Variants in PTPRN2 observed in about 807,000 individuals in gnomAD.
PTPRN2 encodes protein tyrosine phosphatase receptor type N2.
In PTPRN2, 74 loss-of-function variants were observed where a neutral mutation model predicts 118.8. The ratio of observed to expected loss-of-function variants is 0.62; its 90% CI spans 0.52 to 0.76. The LOEUF is 0.76. Ranked by LOEUF, PTPRN2 falls within the 30% of genes least tolerant of loss-of-function variation. The pLI is 0.00. For missense variants in PTPRN2, 1,481 were observed against 1,394.4 expected (o/e 1.06, Z -0.99); for synonymous variants, 641 against 608.0 (o/e 1.05, Z -0.80).
chr7:157,820,364 C>G (rs1806747037), intron 12 of PTPRN2, among the ~76,000 whole-genome samples: 1 of 149,538 alleles, frequency 6.7e-6, no homozygotes, highest in African/African-American at 2.5e-5. Context: ...TACATGCACA[C>G]AGCAGACCCA....
rs191460912 is a variant in PTPRN2 at position 158,184,297 on chromosome 7, G to A, written c.549+8030C>T. 3.4e-3 allele frequency among the ~76,000 whole-genome samples: 516 copies of A among 152,058 alleles called. 4 individuals are homozygous for A. The highest frequency in any genetic ancestry group is 4.8e-3 in the Non-Finnish European group (328 of 67,986). On this transcript the variant is annotated intron_variant, in intron 5 of 22. Transcript: ENST00000389418. ...GTCTTATTGTTCTCATCAATGTATTGTAGTTTTCATTGTACATTGTCTTAC... is the reference window on the plus strand; with the variant it reads ...GTCTTATTGTTCTCATCAATGTATTATAGTTTTCATTGTACATTGTCTTAC...
At chr7:158,055,057 T>C (rs898315750) in intron 11 of PTPRN2, among the ~76,000 whole-genome samples, 1 of 152,198 alleles carries the variant, frequency 6.6e-6, no homozygotes, top group Non-Finnish European at 1.5e-5. Context: ...TGTAATAAAA[T>C]ATGTAAAATA....
intron 12 of PTPRN2, among the ~76,000 whole-genome samples, chr7:157,709,800 A>G (rs1798511277): frequency 6.6e-6 from 1 of 152,196 alleles, no homozygotes; most frequent in Admixed American, 6.5e-5. Flanking sequence ...AGATTTACAC[A>G]TACAAGTCGG....
At chr7:158,098,763 G>A (rs1814897370) in intron 10 of PTPRN2, among the ~76,000 whole-genome samples, 1 of 152,144 alleles carries the variant, frequency 6.6e-6, no homozygotes, top group Non-Finnish European at 1.5e-5. Context: ...TATGGGAGAG[G>A]AGTGGGAGAC....
chr7:157,723,992 C>A (rs1237913760), intron 12 of PTPRN2, among the ~76,000 whole-genome samples: 2 of 152,168 alleles, frequency 1.3e-5, no homozygotes, highest in Admixed American at 1.3e-4. Flanking sequence ...TAGGCTTCCC[C>A]CGTCTGAATC....
At chr7:158,348,208 G>A (rs1472990346) in intron 2 of PTPRN2, among the ~76,000 whole-genome samples, 11 of 152,044 alleles carry the variant, frequency 7.2e-5, no homozygotes, top group Admixed American at 6.5e-4. Context: ...AGAGAAACTG[G>A]AGACAAAAGC....
At position 158,376,437 on chromosome 7, in the gene PTPRN2, G is replaced by C. The variant is rs531422472; in HGVS notation, c.164-59505C>G. 7.4e-5 allele frequency among the ~76,000 whole-genome samples: 11 copies of C among 149,426 alleles called. No individual in the cohort carries two copies. In the East Asian group the frequency reaches 1.0e-3, roughly 14 times the overall value. ...GCCCTGTCATACGTCCTGAGGGAGG[G>C]GTTCAGGGGACTCTCCCACATCCCT... On this transcript the variant is annotated intron_variant, in intron 2 of 22. Coordinates refer to ENST00000389418, the MANE Select transcript of PTPRN2 (RefSeq NM_002847.5).
intron 1 of PTPRN2, among the ~76,000 whole-genome samples, chr7:158,572,461 G>A (rs1050363603): frequency 6.6e-6 from 1 of 152,154 alleles, no homozygotes; most frequent in African/African-American, 2.4e-5. Context: ...AGCCAGCTCT[G>A]TGCCTACGAA....
chr7:158,409,587 G>A (rs1179104758), intron 2 of PTPRN2, among the ~76,000 whole-genome samples: 1 of 152,172 alleles, frequency 6.6e-6, no homozygotes, highest in Non-Finnish European at 1.5e-5. Flanking sequence ...TCAAACTCCG[G>A]CAGGAGAATT....
intron 12 of PTPRN2, among the ~76,000 whole-genome samples, chr7:157,767,841 T>C (rs1389498539): frequency 1.3e-5 from 2 of 152,236 alleles, no homozygotes; most frequent in African/African-American, 4.8e-5. Context: ...AGCTCTGTGC[T>C]CCTTGCTATT....
chr7:158,154,302 T>G (rs1179223802), intron 6 of PTPRN2, among the ~76,000 whole-genome samples: 3 of 152,258 alleles, frequency 2.0e-5, no homozygotes, highest in Non-Finnish European at 2.9e-5. Flanking sequence ...TCCAGCCTCA[T>G]GAGCCCTCTG....
chr7:158,282,770 TC>T (rs1265170001), intron 3 of PTPRN2, among the ~76,000 whole-genome samples: 1 of 142,722 alleles, frequency 7.0e-6, no homozygotes, highest in Non-Finnish European at 1.5e-5. Flanking sequence ...CTCCTCGTGC[TC>T]CCACACACAG....
At chr7:157,896,240 G>A (rs1360685516) in intron 12 of PTPRN2, among the ~76,000 whole-genome samples, 1 of 151,934 alleles carries the variant, frequency 6.6e-6, no homozygotes, top group Non-Finnish European at 1.5e-5. Flanking sequence ...GTGCCCAGCA[G>A]AGGACAGGAG....
intron 2 of PTPRN2, among the ~76,000 whole-genome samples, chr7:158,387,942 GTACACACACATATATCTCTATT>G (rs1811629848): frequency 6.6e-6 from 1 of 152,122 alleles, no homozygotes; most frequent in Non-Finnish European, 1.5e-5. Flanking sequence ...GTCTCTGTCT[GTACACACACATATATCTCTATT>G]TACACACACA....
chr7:158,516,027 A>G (rs1823531442), intron 1 of PTPRN2, among the ~76,000 whole-genome samples: 1 of 152,022 alleles, frequency 6.6e-6, no homozygotes, highest in South Asian at 2.1e-4. Context: ...CATGATATCC[A>G]CAGACACGCT....
At chr7:157,866,834 C>A (rs1441424961) in intron 12 of PTPRN2, among the ~76,000 whole-genome samples, 63 of 89,622 alleles carry the variant, frequency 7.0e-4, no homozygotes, top group African/African-American at 2.7e-3. Context: ...ACCACCGCCC[C>A]CCCCCGACGC....
At position 158,290,713 on chromosome 7, in the gene PTPRN2, G is replaced by A. The variant is rs141878307; in HGVS notation, c.277+26106C>T. On this transcript the variant is annotated intron_variant, in intron 3 of 22. Coordinates refer to ENST00000389418, the MANE Select transcript of PTPRN2 (RefSeq NM_002847.5). ...ATGCTGCTAGGCCTGGGTGAGAGGG[G>A]ACCCAGTCATGCAAAACTGTTTTTT... 1.4e-3 allele frequency among the ~76,000 whole-genome samples: 219 copies of A among 152,310 alleles called. 2 individuals are homozygous for A. In the Middle Eastern group the frequency reaches 0.034, roughly 24 times the overall value.
chr7:157,572,064 T>G (rs1468595631), intron 19 of PTPRN2, among the ~76,000 whole-genome samples: 1 of 152,222 alleles, frequency 6.6e-6, no homozygotes, highest in Non-Finnish European at 1.5e-5. Flanking sequence ...ACTTTGAGTA[T>G]ACAAACAACT....
intron 3 of PTPRN2, among the ~76,000 whole-genome samples, chr7:158,279,848 G>A (rs13231012): frequency 0.14 from 20,729 of 152,176 alleles, 1,575 homozygotes; most frequent in East Asian, 0.25. Context: ...CAGAGAAGGC[G>A]CCCAGAGTGA....
Sources: allele counts gnomAD v4.1 joint callset (sites outside exome capture counted in the v4.1 genomes callset), GRCh38; gene constraint gnomAD v4.1.1; transcripts MANE v1.5; gene names NCBI Gene and HGNC (gene_info 2026-07-23, HGNC 2026-07-21).